Variants in VPS8 observed in about 807,000 individuals in gnomAD.
VPS8 encodes the protein vacuolar protein sorting-associated protein 8 homolog.
In VPS8, 129 loss-of-function variants were observed where a neutral mutation model predicts 216.4. That is an observed-to-expected ratio of 0.60 (90% CI 0.52 to 0.69). VPS8 has a LOEUF of 0.69. Among genes scored for constraint, VPS8 ranks in the 30% least tolerant of loss-of-function variants. VPS8 has a pLI of 0.00. For missense variants in VPS8, 1,531 were observed against 1,683.5 expected (o/e 0.91, Z 1.59); for synonymous variants, 571 against 565.4 (o/e 1.01, Z -0.14).
At chr3:184,932,936 G>T (rs886446702) in intron 34 of VPS8, among the ~76,000 whole-genome samples, 13 of 151,458 alleles carry the variant, frequency 8.6e-5, no homozygotes, top group Non-Finnish European at 1.8e-4. Flanking sequence ...TGTGCATCTT[G>T]AGCATAGCCA....
chr3:184,886,067 A>G (rs1032907091), intron 21 of VPS8, 43 bp from the exon 22 acceptor site: 7 of 1,588,322 alleles, frequency 4.4e-6, no homozygotes, highest in Non-Finnish European at 5.1e-6. Flanking sequence ...GGACCACTGG[A>G]CAGGGTTGTG....
intron 21 of VPS8, among the ~76,000 whole-genome samples, chr3:184,871,167 G>A (rs1314556836): frequency 6.6e-6 from 1 of 151,002 alleles, no homozygotes; most frequent in Non-Finnish European, 1.5e-5. Context: ...AGTTCTCCTA[G>A]GAGCACCTAT....
intron 41 of VPS8, 58 bp from the exon 42 acceptor site, chr3:184,982,954 G>T: frequency 7.0e-7 from 1 of 1,437,344 alleles, no homozygotes. Context: ...AGACTTATAG[G>T]AAAAACTGAA....
chr3:184,961,797 C>G (rs1233839023), intron 37 of VPS8, among the ~76,000 whole-genome samples: 3 of 148,966 alleles, frequency 2.0e-5, no homozygotes, highest in African/African-American at 7.4e-5. Context: ...GACAGAGTCT[C>G]TCTCTGTCAC....
At chr3:184,969,006 T>C (rs1490741436) in intron 39 of VPS8, among the ~76,000 whole-genome samples, 1 of 152,262 alleles carries the variant, frequency 6.6e-6, no homozygotes, top group African/African-American at 2.4e-5. Context: ...ATATTGATAG[T>C]TCAACTGGAC....
At chr3:184,849,826 G>T in intron 9 of VPS8, 110 bp from the exon 10 acceptor site, 1 of 794,846 alleles carries the variant, frequency 1.3e-6, no homozygotes. Flanking sequence ...ATAGTTCTTT[G>T]CCTGCAATGT....
intron 1 of VPS8, among the ~76,000 whole-genome samples, chr3:184,821,793 C>T (rs572960523): frequency 6.6e-6 from 1 of 152,216 alleles, no homozygotes; most frequent in East Asian, 1.9e-4. Flanking sequence ...TTCTTTTCTG[C>T]AGAAGCGAGC....
chr3:184,903,352 A>G (rs1734915108), intron 25 of VPS8, among the ~76,000 whole-genome samples: 1 of 152,170 alleles, frequency 6.6e-6, no homozygotes, highest in South Asian at 2.1e-4. Flanking sequence ...TTGAGATTGC[A>G]TTGATGCTGT....
intron 2 of VPS8, 104 bp downstream of exon 2, chr3:184,824,889 T>C: frequency 3.6e-6 from 4 of 1,115,944 alleles, no homozygotes; most frequent in Non-Finnish European, 5.1e-6. Flanking sequence ...CATGGGTTAA[T>C]AGGAGTCTGT....
intron 42 of VPS8, among the ~76,000 whole-genome samples, chr3:184,988,838 T>TA (rs1432623388): frequency 6.6e-6 from 1 of 152,242 alleles, no homozygotes; most frequent in Non-Finnish European, 1.5e-5. Flanking sequence ...ATTAGAGTGT[T>TA]ACAGTTTTCT....
intron 16 of VPS8, among the ~76,000 whole-genome samples, chr3:184,865,540 G>A (rs1367558559): frequency 6.6e-6 from 1 of 152,098 alleles, no homozygotes; most frequent in Non-Finnish European, 1.5e-5. Flanking sequence ...AAATCATAAT[G>A]AGATACTGCT....
At chr3:184,824,852 C>G (rs948435877) in intron 2 of VPS8, 67 bp downstream of exon 2, 1 of 1,451,614 alleles carries the variant, frequency 6.9e-7, no homozygotes, top group Non-Finnish European at 9.4e-7. Context: ...GCTTTGTGAC[C>G]CAGAGACTCT....
chr3:185,012,664 T>A (rs536284208), intron 45 of VPS8, among the ~76,000 whole-genome samples: 2,118 of 145,562 alleles, frequency 0.015, 49 homozygotes, highest in African/African-American at 0.049. Flanking sequence ...ATTTCTCATT[T>A]AAAAAAAAAA....
At chr3:184,934,785 T>G (rs73885622) in intron 34 of VPS8, among the ~76,000 whole-genome samples, 7,492 of 152,274 alleles carry the variant, frequency 0.049, 594 homozygotes, top group African/African-American at 0.17. Flanking sequence ...GATGTTTATA[T>G]CAATATTTGT....
chr3:184,905,800 A>C (rs1261892807), intron 25 of VPS8, among the ~76,000 whole-genome samples: 2 of 152,098 alleles, frequency 1.3e-5, no homozygotes, highest in Non-Finnish European at 2.9e-5. Context: ...AAAGTGTTCA[A>C]CTTCATTAGT....
At chr3:184,920,399 T>G (rs2109130632) in intron 29 of VPS8, among the ~76,000 whole-genome samples, 1 of 152,344 alleles carries the variant, frequency 6.6e-6, no homozygotes, top group Non-Finnish European at 1.5e-5. Context: ...ATGTTGGCTT[T>G]AGACTGGGGA....
chr3:184,914,575 G>C (rs974853160), intron 26 of VPS8, among the ~76,000 whole-genome samples: 1 of 152,138 alleles, frequency 6.6e-6, no homozygotes, highest in Non-Finnish European at 1.5e-5. Context: ...CATTCTTAGA[G>C]ACCCTGGTTT....
chr3:184,941,452 C>G (rs1742682863), intron 36 of VPS8, among the ~76,000 whole-genome samples: 1 of 136,556 alleles, frequency 7.3e-6, no homozygotes, highest in Non-Finnish European at 1.5e-5. Context: ...TCCTATTAAT[C>G]ATGTGTATTT....
chr3:184,818,521 C>CAAAAAAAA (rs11310520), intron 1 of VPS8, among the ~76,000 whole-genome samples: 1 of 89,286 alleles, frequency 1.1e-5, no homozygotes. Context: ...GAACCTGTCT[C>CAAAAAAAA]AAAAAAAAAA....
Sources: gnomAD v4.1 joint callset for allele counts (sites outside exome capture counted in the v4.1 genomes callset) on GRCh38, gnomAD v4.1.1 for gene constraint, MANE v1.5 for transcripts, NCBI Gene and HGNC (gene_info 2026-07-23, HGNC 2026-07-21) for gene names.